The following FRMD4A variants were observed in gnomAD, a reference collection of about 807,000 sequenced individuals.
The protein encoded by FRMD4A is FERM domain containing 4A, also known as FERM domain-containing protein 4A.
FRMD4A carries 29 observed loss-of-function variants against 129.1 expected under a neutral mutation model. The ratio of observed to expected loss-of-function variants is 0.22; its 90% CI spans 0.17 to 0.31. FRMD4A has a LOEUF of 0.31. Among genes scored for constraint, FRMD4A ranks in the 10% least tolerant of loss-of-function variants. FRMD4A has a pLI of 1.00. For synonymous variants in FRMD4A, 634 were observed against 571.6 expected (o/e 1.11, Z -1.56); for missense variants, 1,272 against 1,375.8 (o/e 0.92, Z 1.19).
In FRMD4A at chr10:14,175,521, C is replaced by A. The variant is rs565639420; in HGVS notation, c.45+154537G>T. Among the ~76,000 whole-genome samples the A allele has an allele frequency of 4.3e-4, 42 of 98,580 alleles. 1 individual carries two copies. The East Asian group carries it at 0.011, about 27-fold the overall frequency. 64.7% of individuals were successfully genotyped at this position (98,580 alleles called of 152,430 possible). A position where few individuals can be genotyped will look rare whatever the true frequency, so the allele number is the denominator to read the frequency against. On this transcript the variant is annotated intron_variant, in intron 2 of 24. Coordinates refer to ENST00000357447, the MANE Select transcript of FRMD4A (RefSeq NM_018027.5). ...CTCCTTCGTAGTCTCCAGTTTGCTT[C>A]CTTTTTTTTTTTTTTTTTTTTACAG...
chr10:13,745,822 T>C (rs1215591304), intron 9 of FRMD4A, among the ~76,000 whole-genome samples: 1 of 152,076 alleles, frequency 6.6e-6, no homozygotes, highest in Non-Finnish European at 1.5e-5. Context: ...GCCTTGACCA[T>C]TGGATTTTTG....
intron 5 of FRMD4A, among the ~76,000 whole-genome samples, chr10:13,792,503 G>A (rs2093025310): frequency 6.6e-6 from 1 of 152,140 alleles, no homozygotes; most frequent in Non-Finnish European, 1.5e-5. Context: ...CCGAACAGAT[G>A]AGACCTCATC....
At chr10:14,287,141 C>A (rs1159036122) in intron 2 of FRMD4A, among the ~76,000 whole-genome samples, 1 of 107,730 alleles carries the variant, frequency 9.3e-6, no homozygotes, top group Admixed American at 9.1e-5. Context: ...GACAGGCCCC[C>A]CGCTCCGTGA....
intron 3 of FRMD4A, among the ~76,000 whole-genome samples, chr10:13,834,383 T>A (rs890250967): frequency 6.6e-6 from 1 of 152,098 alleles, no homozygotes; most frequent in East Asian, 1.9e-4. Flanking sequence ...GAAACCGGTC[T>A]CTGGACACAA....
chr10:14,027,032 A>G (rs1167098746), intron 2 of FRMD4A, among the ~76,000 whole-genome samples: 8 of 152,220 alleles, frequency 5.3e-5, no homozygotes, highest in African/African-American at 1.9e-4. Flanking sequence ...CCAGGCATGC[A>G]ATGCATCATA....
At chr10:14,313,199 A>AC (rs1475372756) in intron 2 of FRMD4A, among the ~76,000 whole-genome samples, 1 of 151,716 alleles carries the variant, frequency 6.6e-6, no homozygotes, top group Non-Finnish European at 1.5e-5. Flanking sequence ...CCAAAAAAAA[A>AC]AAATTTTTTT....
intron 14 of FRMD4A, among the ~76,000 whole-genome samples, chr10:13,694,834 CCTGT>C (rs895452272): frequency 2.1e-5 from 2 of 94,732 alleles, no homozygotes; most frequent in African/African-American, 6.3e-5. Flanking sequence ...AAAGTGAGAC[CCTGT>C]CTCTTAAAAA....
intron 2 of FRMD4A, among the ~76,000 whole-genome samples, chr10:14,159,710 C>G (rs1008667037): frequency 1.5e-4 from 23 of 152,014 alleles, no homozygotes; most frequent in African/African-American, 5.6e-4. Flanking sequence ...AAAACAAAAA[C>G]AACAACAAAA....
At chr10:13,693,685 C>A in intron 15 of FRMD4A, 2 of 603,096 alleles carry the variant, frequency 3.3e-6, no homozygotes, top group Non-Finnish European at 5.8e-6. Flanking sequence ...TCTACTGATG[C>A]TTTTTTTTTT....
chr10:14,143,928 A>T (rs977668656), intron 2 of FRMD4A, among the ~76,000 whole-genome samples: 1 of 152,150 alleles, frequency 6.6e-6, no homozygotes, highest in African/African-American at 2.4e-5. Context: ...TTTTATGTTA[A>T]ATATATTTTG....
chr10:13,762,825 C>T (rs2092127325), intron 6 of FRMD4A, 145 bp from the exon 7 acceptor site: 1 of 627,490 alleles, frequency 1.6e-6, no homozygotes, highest in Non-Finnish European at 2.9e-6. Flanking sequence ...GAGATGCTGC[C>T]TCTACAGAAA....
In FRMD4A at chr10:14,152,812, C is replaced by G. The variant is rs552723387; in HGVS notation, c.45+177246G>C. The stretch of plus-strand genomic sequence containing the variant: ...CTATGATTGCACCACTGCACTCCAG[C>G]CTAAATGACAGAGCAACACCTTGCC... On this transcript the variant is annotated intron_variant, in intron 2 of 24. Transcript: ENST00000357447. Among the ~76,000 whole-genome samples, 9 of 152,076 alleles carry G rather than the reference C, an allele frequency of 5.9e-5. No homozygotes were observed. The East Asian group carries it at 1.7e-3, about 29-fold the overall frequency.
chr10:14,193,686 T>C, intron 2 of FRMD4A, among the ~76,000 whole-genome samples: 1 of 128,872 alleles, frequency 7.8e-6, no homozygotes, highest in South Asian at 2.5e-4. Context: ...GGTCTACAAA[T>C]TAAAAAAAAA....
At chr10:14,035,440 A>AG (rs1833453971) in intron 2 of FRMD4A, among the ~76,000 whole-genome samples, 3 of 151,954 alleles carry the variant, frequency 2.0e-5, no homozygotes, top group Non-Finnish European at 2.9e-5. Flanking sequence ...AAAAAAAAAA[A>AG]AAGAAGAAAA....
intron 4 of FRMD4A, among the ~76,000 whole-genome samples, chr10:13,808,766 C>T (rs1317826747): frequency 6.6e-6 from 1 of 152,202 alleles, no homozygotes; most frequent in Non-Finnish European, 1.5e-5. Context: ...TTCTAGTGAC[C>T]TCCAGCTGGC....
intron 2 of FRMD4A, among the ~76,000 whole-genome samples, chr10:14,092,919 G>A (rs1042489965): frequency 6.6e-6 from 1 of 152,214 alleles, no homozygotes; most frequent in Non-Finnish European, 1.5e-5. Context: ...TAGAGAAACA[G>A]CCAGGAATGC....
At chr10:13,659,577 C>T in intron 20 of FRMD4A, 87 bp from the exon 21 acceptor site, 2 of 1,354,136 alleles carry the variant, frequency 1.5e-6, no homozygotes, top group Admixed American at 1.9e-5. Context: ...ATGATCCCAG[C>T]ATGTGGGGAA....
chr10:14,327,350 G>A (rs896016171), intron 2 of FRMD4A, among the ~76,000 whole-genome samples: 1 of 152,150 alleles, frequency 6.6e-6, no homozygotes, highest in Non-Finnish European at 1.5e-5. Flanking sequence ...GAGACATAAC[G>A]CTAAATAAAG....
Position 14,097,797 on chromosome 10 carries a change from G to A in FRMD4A, c.45+232261C>T, listed in dbSNP as rs570343547. Among the ~76,000 whole-genome samples, 5 of 150,204 alleles carry A rather than the reference G, an allele frequency of 3.3e-5. No homozygotes were observed. The South Asian group carries it at 1.0e-3, about 31-fold the overall frequency. On this transcript the variant is annotated intron_variant, in intron 2 of 24. Transcript: ENST00000357447. Reference sequence around the variant, plus strand: ...ATGAGAGATAAAAGAGAAAAAATCAGAAAACTTCCAAGATAATTATGATAA... The same window carrying A: ...ATGAGAGATAAAAGAGAAAAAATCAAAAAACTTCCAAGATAATTATGATAA...
Sources: gnomAD v4.1 joint callset for allele counts (sites outside exome capture counted in the v4.1 genomes callset) on GRCh38, gnomAD v4.1.1 for gene constraint, MANE v1.5 for transcripts, NCBI Gene and HGNC (gene_info 2026-07-23, HGNC 2026-07-21) for gene names.